The following GPATCH8 variants were observed in gnomAD, a reference collection of about 807,000 sequenced individuals.
The protein encoded by GPATCH8 is G-patch domain containing 8.
A neutral mutation model predicts 118.3 loss-of-function variants in GPATCH8; 18 were observed. That is an observed-to-expected ratio of 0.15 (90% CI 0.11 to 0.23). GPATCH8 has a LOEUF of 0.23. Ranked by LOEUF, GPATCH8 falls within the 10% of genes least tolerant of loss-of-function variation. GPATCH8 has a pLI of 1.00. For synonymous variants in GPATCH8, 659 were observed against 684.7 expected (o/e 0.96, Z 0.59); for missense variants, 1,631 against 1,873.8 (o/e 0.87, Z 2.39).
chr17:44,475,386 G>GA (rs1167619822), intron 1 of GPATCH8, among the ~76,000 whole-genome samples: 162 of 90,842 alleles, frequency 1.8e-3, no homozygotes, highest in Middle Eastern at 0.02. Context: ...TCTCAAAAAA[G>GA]AAAAAAAAAA....
rs769494701 is a variant in GPATCH8, at chr17:44,397,318, G to C, written c.*250C>G. On this transcript the variant is annotated 3_prime_UTR_variant, in exon 8 of 8. Transcript: ENST00000591680. ...GCAGAGGGGTGGGTAGCACTTACTG[G>C]TGTTCCCTAGCTTAGAAACACAGAA... 1 of 656,352 alleles carries C rather than the reference G, an allele frequency of 1.5e-6. No homozygotes were observed. The highest frequency in any genetic ancestry group is 2.8e-6 in the Non-Finnish European group (1 of 356,534). The allele number at this position is 656,352 out of a possible 1,614,324, so 40.7% of individuals were successfully genotyped here.
intron 7 of GPATCH8, 59 bp downstream of exon 7, chr17:44,405,862 A>G: frequency 2.5e-6 from 3 of 1,199,906 alleles, no homozygotes; most frequent in African/African-American, 3.0e-5. Flanking sequence ...GAAATCTATA[A>G]TTTAAAATTT....
chr17:44,397,378 A>G lies in GPATCH8; in HGVS notation c.*190T>C. ...ACAAATTGAGAGGAGGACAGGAAAA[A>G]GAAATCCCTGATAGTAAACTGAAAG... is the stretch of plus-strand genomic sequence containing the variant. On this transcript the variant is annotated 3_prime_UTR_variant, in exon 8 of 8. Transcript: ENST00000591680. The G allele has an allele frequency of 1.4e-6, 1 of 695,000 alleles. No homozygotes were observed. Among genetic ancestry groups the G allele is most frequent in the Non-Finnish European group, 2.6e-6 (1 of 381,212 alleles). The allele number at this position is 695,000 out of a possible 1,614,324, so 43.1% of individuals were successfully genotyped here. A position where few individuals can be genotyped will look rare whatever the true frequency, so the allele number is the denominator to read the frequency against.
intron 1 of GPATCH8, among the ~76,000 whole-genome samples, chr17:44,488,904 T>C (rs931121121): frequency 7.3e-5 from 11 of 151,084 alleles, no homozygotes; most frequent in African/African-American, 2.4e-4. Context: ...CTGGCCAACA[T>C]GGTGAAACCC....
At chr17:44,408,712 G>A (rs1043515015) in intron 6 of GPATCH8, among the ~76,000 whole-genome samples, 1 of 152,142 alleles carries the variant, frequency 6.6e-6, no homozygotes, top group African/African-American at 2.4e-5. Context: ...TGAAGATGAA[G>A]GAACAGGACC....
intron 3 of GPATCH8, among the ~76,000 whole-genome samples, chr17:44,444,647 C>T (rs2050811475): frequency 6.6e-6 from 1 of 152,070 alleles, no homozygotes; most frequent in South Asian, 2.1e-4. Flanking sequence ...GTGGCATGTT[C>T]CTGTAATCCC....
intron 1 of GPATCH8, among the ~76,000 whole-genome samples, chr17:44,497,709 G>A (rs1568077918): frequency 1.3e-5 from 2 of 152,078 alleles, no homozygotes; most frequent in Non-Finnish European, 2.9e-5. Flanking sequence ...GGGGGCTGAG[G>A]TGGGAGGATC....
chr17:44,495,671 C>G (rs1355838613), intron 1 of GPATCH8, among the ~76,000 whole-genome samples: 1 of 152,148 alleles, frequency 6.6e-6, no homozygotes, highest in Non-Finnish European at 1.5e-5. Flanking sequence ...AGAAACTATT[C>G]TAAAGGTAAA....
intron 3 of GPATCH8, among the ~76,000 whole-genome samples, chr17:44,458,188 C>T (rs970725365): frequency 8.0e-5 from 12 of 149,328 alleles, no homozygotes; most frequent in African/African-American, 2.7e-4. Flanking sequence ...GAGATCAAGG[C>T]TGCAGTGAGC....
intron 5 of GPATCH8, among the ~76,000 whole-genome samples, chr17:44,430,135 A>T (rs915256821): frequency 6.6e-6 from 1 of 150,960 alleles, no homozygotes; most frequent in Non-Finnish European, 1.5e-5. Context: ...AAAACACATT[A>T]AAAAACCATT....
rs2048963727 is a variant in GPATCH8, at chr17:44,400,209, A to G, written c.1868T>C (p.Val623Ala). The change falls in exon 8 of 8, where the codon GTA (valine) becomes GCA (alanine). Residue 623 changes from valine (V) to alanine (A), a missense_variant. This residue lies in a region of GPATCH8 where 922 missense variants were observed against 879.7 expected (regional missense o/e 1.05). Transcript: ENST00000591680. ...KSKEVGGEKI[V>A]RSSGGRMDAP... ...GTCCATTCTGCCTCCTGAGGAACGT[A>G]CTATTTTCTCTCCGCCCACTTCCTT... The G allele has an allele frequency of 1.2e-6, 2 of 1,613,898 alleles. No homozygotes were observed. The highest frequency in any genetic ancestry group is 2.7e-5 in the African/African-American group (2 of 74,872).
chr17:44,439,418 C>T (rs1294875521), intron 3 of GPATCH8, among the ~76,000 whole-genome samples: 1 of 152,098 alleles, frequency 6.6e-6, no homozygotes. Flanking sequence ...ATCACAAGAG[C>T]TGTCACATTT....
intron 6 of GPATCH8, among the ~76,000 whole-genome samples, chr17:44,424,044 C>T (rs1408485529): frequency 6.6e-6 from 1 of 152,102 alleles, no homozygotes; most frequent in Non-Finnish European, 1.5e-5. Flanking sequence ...ACAAAGCTCC[C>T]AGTGACCCTC....
At chr17:44,502,359 G>GTT (rs10532706) in intron 1 of GPATCH8, among the ~76,000 whole-genome samples, 22 of 144,088 alleles carry the variant, frequency 1.5e-4, no homozygotes, top group East Asian at 8.2e-4. Flanking sequence ...GTAATGCAGT[G>GTT]TTTTTTTTTT....
intron 6 of GPATCH8, among the ~76,000 whole-genome samples, chr17:44,421,056 T>TG (rs925762190): frequency 2.6e-5 from 4 of 152,080 alleles, no homozygotes; most frequent in African/African-American, 9.7e-5. Context: ...TTCACCAAGT[T>TG]GGACAGGCTG....
At chr17:44,407,088 G>A (rs186113514) in intron 6 of GPATCH8, 1 of 152,192 alleles carries the variant, frequency 6.6e-6, no homozygotes, top group East Asian at 1.9e-4. Context: ...ATGTTCAACA[G>A]ACAGAGGAAT....
At chr17:44,464,381 C>CT (rs1378721187) in intron 3 of GPATCH8, 91 bp downstream of exon 3, 12 of 858,612 alleles carry the variant, frequency 1.4e-5, no homozygotes, top group Middle Eastern at 2.2e-4. Context: ...AACCCAAGTA[C>CT]TTTTTTAAAA....
At chr17:44,432,047 GTTTTT>G (rs762963401) in intron 5 of GPATCH8, among the ~76,000 whole-genome samples, 3 of 136,060 alleles carry the variant, frequency 2.2e-5, no homozygotes, top group Non-Finnish European at 4.8e-5. Flanking sequence ...ATCAGAGTGG[GTTTTT>G]TTTTTTTTTT....
chr17:44,437,180 T>C (rs749076067), intron 3 of GPATCH8, among the ~76,000 whole-genome samples: 2 of 152,200 alleles, frequency 1.3e-5, no homozygotes, highest in Non-Finnish European at 2.9e-5. Context: ...AGTTTTCCTT[T>C]TAATCTGGTG....
Sources: allele counts gnomAD v4.1 joint callset (sites outside exome capture counted in the v4.1 genomes callset), GRCh38; gene constraint gnomAD v4.1.1; regional missense constraint gnomAD v4.1.1; transcripts MANE v1.5; gene names NCBI Gene and HGNC (gene_info 2026-07-23, HGNC 2026-07-21).